Variants in ZNF345 observed in about 807,000 individuals in gnomAD.
ZNF345 encodes zinc finger protein 345, also known as zinc finger protein HZF10.
For synonymous variants in ZNF345, 166 were observed against 187.9 expected (o/e 0.88, Z 0.95); for missense variants, 527 against 589.9 (o/e 0.89, Z 1.10).
rs1446089387 is a variant in ZNF345 at position 36,876,973 on chromosome 19, T to G, written c.143T>G (p.Phe48Cys). Residue 48 changes from phenylalanine to cysteine, a missense_variant, in exon 3 of 3, where the codon TTC becomes TGC. Phe to Cys is a radical substitution (Grantham distance 205). Coordinates refer to ENST00000420450, the MANE Select transcript of ZNF345 (RefSeq NM_001242472.2). ...MIFTPEDMPT[F>C]SIQHQRIHTD... ...TTTACTCCTGAAGACATGCCCACTT[T>G]CAGTATCCAGCATCAGAGAATTCAT... 6.2e-7 allele frequency: 1 copy of G among 1,614,062 alleles called. No individual in the cohort carries two copies. Among genetic ancestry groups the G allele is most frequent in the Non-Finnish European group, 8.5e-7 (1 of 1,180,022 alleles).
At position 36,877,454 on chromosome 19, in the gene ZNF345, T is replaced by C. The variant is rs746110540; in HGVS notation, c.624T>C (p.Gly208=). 1 of 1,613,328 alleles carries C rather than the reference T, an allele frequency of 6.2e-7. No individual in the cohort carries two copies. The highest frequency in any genetic ancestry group is 1.1e-5 in the South Asian group (1 of 91,026). The change falls in exon 3 of 3, where the codon GGT becomes GGC. Residue 208 remains glycine, a synonymous_variant. Transcript: ENST00000420450. ...AACCTTATGAATGTATAGATTGTGG[T>C]AAAGCCTTTGGCAGTGGTTCAAACC... is the stretch of plus-strand genomic sequence containing the variant. The part of the protein sequence containing the change: ...GEKPYECIDC[G]KAFGSGSNLT...
At chr19:36,875,843 C>G (rs1407322143) in intron 2 of ZNF345, among the ~76,000 whole-genome samples, 1 of 152,108 alleles carries the variant, frequency 6.6e-6, no homozygotes, top group Non-Finnish European at 1.5e-5. Flanking sequence ...AAATCCATTC[C>G]CTTTCCTAGC....
At chr19:36,853,729 T>C (rs1027619322) in intron 2 of ZNF345, among the ~76,000 whole-genome samples, 1 of 152,210 alleles carries the variant, frequency 6.6e-6, no homozygotes, top group African/African-American at 2.4e-5. Context: ...AGTGAACATA[T>C]ATGTCTATGT....
At position 36,877,474 on chromosome 19, in the gene ZNF345, C is replaced by G; in HGVS notation, c.644C>G (p.Ser215Ter). The G allele has an allele frequency of 6.2e-7, 1 of 1,614,140 alleles. No individual in the cohort carries two copies. Among genetic ancestry groups the G allele is most frequent in the Non-Finnish European group, 8.5e-7 (1 of 1,180,024 alleles). Residue 215 changes from serine to a stop codon, truncating the protein, a stop_gained, in exon 3 of 3, where the codon TCA (serine) becomes TGA (stop). Coordinates refer to ENST00000420450, the MANE Select transcript of ZNF345 (RefSeq NM_001242472.2). LOFTEE classifies it low-confidence loss of function (END_TRUNC). ...IDCGKAFGSG[S>*]NLTQHRRIHT... Reference sequence around the variant, plus strand: ...TGTGGTAAAGCCTTTGGCAGTGGTTCAAACCTTACTCAACATCGGCGGATT... The same window carrying G: ...TGTGGTAAAGCCTTTGGCAGTGGTTGAAACCTTACTCAACATCGGCGGATT...
chr19:36,854,567 G>C (rs2146120815), intron 2 of ZNF345: 1 of 152,326 alleles, frequency 6.6e-6, no homozygotes, highest in Admixed American at 6.5e-5. Context: ...ACTGGTAACA[G>C]TGCCTGAGGA....
chr19:36,871,470 C>T (rs2146187721), intron 2 of ZNF345, among the ~76,000 whole-genome samples: 1 of 152,252 alleles, frequency 6.6e-6, no homozygotes, highest in South Asian at 2.1e-4. Context: ...GGGACATCTT[C>T]ACATTTTACC....
chr19:36,853,313 A>ATCTCGGC (rs2072331293), intron 2 of ZNF345, among the ~76,000 whole-genome samples: 1 of 136,958 alleles, frequency 7.3e-6, no homozygotes, highest in Non-Finnish European at 1.5e-5. Flanking sequence ...CAATGGCATG[A>ATCTCGGC]TCTCGGCTCA....
chr19:36,864,749 C>T (rs141587289), intron 2 of ZNF345, among the ~76,000 whole-genome samples: 68 of 152,184 alleles, frequency 4.5e-4, no homozygotes, highest in African/African-American at 1.0e-3. Context: ...GACCCTGAGA[C>T]GGAATGCCTC....
chr19:36,853,529 G>A (rs935285631), intron 2 of ZNF345, among the ~76,000 whole-genome samples: 7 of 152,106 alleles, frequency 4.6e-5, no homozygotes, highest in East Asian at 1.9e-4. Context: ...ATAAGCCACC[G>A]CACCTGGCCA....
chr19:36,869,102 A>G (rs1274768555), intron 2 of ZNF345, among the ~76,000 whole-genome samples: 3 of 152,092 alleles, frequency 2.0e-5, no homozygotes, highest in African/African-American at 7.2e-5. Context: ...GTCAGACTCC[A>G]TAGGTTTTAG....
At chr19:36,888,340 A>T (rs1415579382) in intron 3 of ZNF345, 5 of 152,160 alleles carry the variant, frequency 3.3e-5, no homozygotes, top group African/African-American at 4.8e-5. Flanking sequence ...ACCACAATAT[A>T]GTGTCAAACC....
intron 2 of ZNF345, among the ~76,000 whole-genome samples, chr19:36,853,166 T>G (rs532551576): frequency 1.3e-5 from 2 of 151,914 alleles, no homozygotes; most frequent in South Asian, 4.1e-4. Flanking sequence ...TGGTTAGTCT[T>G]GTTTAAGAAA....
rs146450917 is a variant in ZNF345, at chr19:36,856,536, A to G, written c.-47+4632A>G. On this transcript the variant is annotated intron_variant, in intron 2 of 2. Transcript: ENST00000420450. ...GATTTTCTTTCAAAAACCTTTGAATACATGATCAGATGTGTCACTTCTTAA... is the reference window on the plus strand; with the variant it reads ...GATTTTCTTTCAAAAACCTTTGAATGCATGATCAGATGTGTCACTTCTTAA... Among the ~76,000 whole-genome samples, 1,045 of 152,274 alleles carry G rather than the reference A, an allele frequency of 6.9e-3. 6 individuals carry two copies. Among genetic ancestry groups the G allele is most frequent in the Non-Finnish European group, 8.6e-3 (588 of 68,032 alleles).
At position 36,879,296 on chromosome 19, in the gene ZNF345, CT is replaced by C. The variant is rs1373280208; in HGVS notation, c.*1002del. ...TATACTCTCCATTTTAGCAAAACAG[CT>C]TTCCCTCATCATAATGTAGATAAAA... On this transcript the variant is annotated 3_prime_UTR_variant, in exon 3 of 3. Coordinates refer to ENST00000420450, the MANE Select transcript of ZNF345 (RefSeq NM_001242472.2). 1 of 167,022 alleles carries C rather than the reference CT, an allele frequency of 6.0e-6. No individual in the cohort carries two copies. The highest frequency in any genetic ancestry group is 2.4e-5 in the African/African-American group (1 of 41,422). 10.3% of individuals were successfully genotyped at this position (167,022 alleles called of 1,614,324 possible).
intron 3 of ZNF345, among the ~76,000 whole-genome samples, chr19:36,886,196 C>T (rs2072995074): frequency 6.6e-6 from 1 of 152,144 alleles, no homozygotes; most frequent in South Asian, 2.1e-4. Context: ...GTACAGAATT[C>T]TAAATAATTT....
In ZNF345 at chr19:36,879,280, C is replaced by A. The variant is rs889448896; in HGVS notation, c.*983C>A. On this transcript the variant is annotated 3_prime_UTR_variant, in exon 3 of 3. Coordinates refer to ENST00000420450, the MANE Select transcript of ZNF345 (RefSeq NM_001242472.2). ...TTTCCTTTTATAAAATTATACTCTC[C>A]ATTTTAGCAAAACAGCTTTCCCTCA... The A allele has an allele frequency of 6.0e-6, 1 of 166,960 alleles. No homozygotes were observed. Among genetic ancestry groups the A allele is most frequent in the African/African-American group, 2.4e-5 (1 of 41,406 alleles). The allele number at this position is 166,960 out of a possible 1,614,324, so 10.3% of individuals were successfully genotyped here. A position where few individuals can be genotyped will look rare whatever the true frequency, so the allele number is the denominator to read the frequency against.
intron 3 of ZNF345, chr19:36,892,084 C>A: frequency 6.2e-7 from 1 of 1,614,100 alleles, no homozygotes; most frequent in Non-Finnish European, 8.5e-7. Context: ...GGGTTTCTCA[C>A]CAGTGTGAAT....
intron 2 of ZNF345, among the ~76,000 whole-genome samples, chr19:36,859,970 G>T (rs953206972): frequency 2.6e-5 from 4 of 151,414 alleles, no homozygotes; most frequent in Non-Finnish European, 4.4e-5. Flanking sequence ...TTGTTTGTTT[G>T]TTTTTTTGAG....
chr19:36,867,250 A>G (rs1306452539), intron 2 of ZNF345, among the ~76,000 whole-genome samples: 1 of 152,186 alleles, frequency 6.6e-6, no homozygotes, highest in Non-Finnish European at 1.5e-5. Flanking sequence ...GACCATGACT[A>G]CTGATGAAAC....
Sources: gnomAD v4.1 joint callset for allele counts (sites outside exome capture counted in the v4.1 genomes callset) on GRCh38, gnomAD v4.1.1 for gene constraint, MANE v1.5 for transcripts, NCBI Gene and HGNC (gene_info 2026-07-23, HGNC 2026-07-21) for gene names.